The following TESK2 variants were observed in gnomAD, a reference collection of about 807,000 sequenced individuals.
TESK2 encodes the protein dual specificity testis-specific protein kinase 2.
Under a neutral mutation model 57.1 loss-of-function variants are expected in TESK2, and 39 were observed. The ratio of observed to expected loss-of-function variants is 0.68; its 90% CI spans 0.53 to 0.89. The LOEUF is 0.89. TESK2 is among the 40% of genes least tolerant of loss of function. The probability of loss-of-function intolerance (pLI) is 0.00; values close to 1 mark genes in which losing one functional copy is unlikely to be tolerated. For missense variants in TESK2, 646 were observed against 732.1 expected (o/e 0.88, Z 1.36); for synonymous variants, 249 against 267.9 (o/e 0.93, Z 0.69).
intron 1 of TESK2, among the ~76,000 whole-genome samples, chr1:45,488,211 C>A (rs981799203): frequency 6.6e-6 from 1 of 152,182 alleles, no homozygotes; most frequent in Non-Finnish European, 1.5e-5. Flanking sequence ...TGAGCCACTA[C>A]ACCTGGCCAA....
At chr1:45,385,800 T>C (rs950978217) in intron 4 of TESK2, 112 bp downstream of exon 4, 8 of 588,442 alleles carry the variant, frequency 1.4e-5, no homozygotes, top group Admixed American at 3.4e-5. Flanking sequence ...CATTTTTGCA[T>C]AAACATAAAT....
At chr1:45,460,538 TAATAAA>T (rs2149300929) in intron 1 of TESK2, among the ~76,000 whole-genome samples, 1 of 152,054 alleles carries the variant, frequency 6.6e-6, no homozygotes, top group East Asian at 1.9e-4. Context: ...ATAAATTAAA[TAATAAA>T]AATAAAATAA....
At chr1:45,474,847 T>C (rs1652918485) in intron 1 of TESK2, among the ~76,000 whole-genome samples, 1 of 151,512 alleles carries the variant, frequency 6.6e-6, no homozygotes, top group South Asian at 2.1e-4. Flanking sequence ...TATAACTTTA[T>C]ATGCTGGAAT....
intron 4 of TESK2, among the ~76,000 whole-genome samples, chr1:45,378,925 G>A (rs1346599800): frequency 6.6e-6 from 1 of 152,114 alleles, no homozygotes; most frequent in Non-Finnish European, 1.5e-5. Context: ...CCTCTGGTGT[G>A]TCTCTAAACT....
chr1:45,419,518 T>C (rs962219030), intron 3 of TESK2, among the ~76,000 whole-genome samples: 7 of 151,986 alleles, frequency 4.6e-5, no homozygotes, highest in South Asian at 2.1e-4. Flanking sequence ...AAAAATGTGT[T>C]AATCTGGCCA....
At chr1:45,377,644 C>G (rs1648487225) in intron 4 of TESK2, among the ~76,000 whole-genome samples, 1 of 150,052 alleles carries the variant, frequency 6.7e-6, no homozygotes, top group Non-Finnish European at 1.5e-5. Context: ...GTCTCGAACT[C>G]CTGACCTCAG....
intron 1 of TESK2, among the ~76,000 whole-genome samples, chr1:45,459,799 C>T (rs1300251917): frequency 6.6e-6 from 1 of 152,150 alleles, no homozygotes; most frequent in East Asian, 1.9e-4. Flanking sequence ...GCTGTGATAG[C>T]ACCACTGCAC....
chr1:45,449,494 T>C (rs1651788741), intron 2 of TESK2, among the ~76,000 whole-genome samples: 1 of 152,102 alleles, frequency 6.6e-6, no homozygotes, highest in Non-Finnish European at 1.5e-5. Context: ...ATTGAGACAA[T>C]GGGATATTAT....
At position 45,466,075 on chromosome 1, in the gene TESK2, C is replaced by T. The variant is rs11586369; in HGVS notation, c.-86-8204G>A. 1.5e-3 allele frequency among the ~76,000 whole-genome samples: 233 copies of T among 152,098 alleles called. 4 individuals carry two copies. The East Asian group carries it at 0.03, about 20-fold the overall frequency. On this transcript the variant is annotated intron_variant, in intron 1 of 10. Coordinates refer to ENST00000372086, the MANE Select transcript of TESK2 (RefSeq NM_007170.3). Reference sequence around the variant, plus strand: ...TAATATATACTAATCGGGCATGGTGCCTTACGTCTATAATCCCAACACTTT... The same window carrying T: ...TAATATATACTAATCGGGCATGGTGTCTTACGTCTATAATCCCAACACTTT...
intron 2 of TESK2, among the ~76,000 whole-genome samples, chr1:45,431,597 C>CA (rs531749379): frequency 1.3e-5 from 2 of 152,078 alleles, no homozygotes. Flanking sequence ...TGCAAATATT[C>CA]AAAAAAATTT....
chr1:45,425,127 T>C (rs1257758977), intron 2 of TESK2, among the ~76,000 whole-genome samples: 1 of 152,180 alleles, frequency 6.6e-6, no homozygotes, highest in East Asian at 1.9e-4. Context: ...ATTATTCTTG[T>C]CTGCAGATGA....
intron 2 of TESK2, among the ~76,000 whole-genome samples, chr1:45,439,415 G>C (rs1651352239): frequency 6.6e-6 from 1 of 152,122 alleles, no homozygotes; most frequent in Admixed American, 6.6e-5. Context: ...ATATATACAT[G>C]TTCTTAATAC....
At chr1:45,366,366 T>C (rs1570654145) in intron 4 of TESK2, among the ~76,000 whole-genome samples, 1 of 151,846 alleles carries the variant, frequency 6.6e-6, no homozygotes, top group African/African-American at 2.4e-5. Context: ...GGATTACAGG[T>C]GTGAGCCACC....
intron 1 of TESK2, among the ~76,000 whole-genome samples, chr1:45,484,647 G>A (rs1653381538): frequency 1.3e-5 from 2 of 152,020 alleles, no homozygotes; most frequent in Admixed American, 6.6e-5. Flanking sequence ...CTGGAGAATC[G>A]CTTCAACCCG....
intron 3 of TESK2, among the ~76,000 whole-genome samples, chr1:45,388,849 T>C (rs1365421275): frequency 6.6e-6 from 1 of 150,830 alleles, no homozygotes; most frequent in Non-Finnish European, 1.5e-5. Context: ...GCCTCCCAAG[T>C]AGCTGGGACT....
intron 2 of TESK2, among the ~76,000 whole-genome samples, chr1:45,430,188 T>G (rs1263427337): frequency 6.6e-6 from 1 of 152,112 alleles, no homozygotes; most frequent in African/African-American, 2.4e-5. Context: ...TGTCTTCTCA[T>G]GGAGCCTAAA....
At chr1:45,464,964 CG>C (rs1213760813) in intron 1 of TESK2, among the ~76,000 whole-genome samples, 3 of 152,038 alleles carry the variant, frequency 2.0e-5, no homozygotes, top group Non-Finnish European at 2.9e-5. Flanking sequence ...AGGCCAGACA[CG>C]GTGGCTCACA....
At chr1:45,472,530 C>T (rs1405663384) in intron 1 of TESK2, among the ~76,000 whole-genome samples, 1 of 147,406 alleles carries the variant, frequency 6.8e-6, no homozygotes. Flanking sequence ...TGCACTCCAG[C>T]CTGGGGGACA....
At chr1:45,380,530 C>T (rs1648611520) in intron 4 of TESK2, among the ~76,000 whole-genome samples, 1 of 152,180 alleles carries the variant, frequency 6.6e-6, no homozygotes, top group Admixed American at 6.5e-5. Flanking sequence ...TCCCAACCTC[C>T]CACTCATCTT....
Sources: gnomAD v4.1 joint callset for allele counts (sites outside exome capture counted in the v4.1 genomes callset) on GRCh38, gnomAD v4.1.1 for gene constraint, MANE v1.5 for transcripts, NCBI Gene and HGNC (gene_info 2026-07-23, HGNC 2026-07-21) for gene names.